The following NPSR1 variants were observed in gnomAD, a reference collection of about 807,000 sequenced individuals.
NPSR1 encodes neuropeptide S receptor 1.
In NPSR1, 48 loss-of-function variants were observed where a neutral mutation model predicts 46.9. The observed-to-expected ratio is 1.02, with a 90% CI of 0.81 to 1.30. NPSR1 has a LOEUF of 1.30. Ranked by LOEUF, NPSR1 falls within the 50% of genes most tolerant of loss-of-function variation. NPSR1 has a pLI of 0.00. For synonymous variants in NPSR1, 176 were observed against 168.1 expected (o/e 1.05, Z -0.36); for missense variants, 450 against 449.5 (o/e 1.00, Z -0.01).
chr7:34,813,175 G>A (rs1789077490), intron 4 of NPSR1, among the ~76,000 whole-genome samples: 1 of 152,140 alleles, frequency 6.6e-6, no homozygotes, highest in Non-Finnish European at 1.5e-5. Flanking sequence ...GCTAACCTTG[G>A]TGTGTCTCAG....
At chr7:34,831,248 T>C (rs146057409) in intron 5 of NPSR1, among the ~76,000 whole-genome samples, 1 of 152,152 alleles carries the variant, frequency 6.6e-6, no homozygotes, top group Non-Finnish European at 1.5e-5. Flanking sequence ...AACAGATGTG[T>C]CATGTCACTC....
intron 1 of NPSR1, among the ~76,000 whole-genome samples, chr7:34,663,505 T>C (rs1445608440): frequency 6.6e-6 from 1 of 152,166 alleles, no homozygotes; most frequent in African/African-American, 2.4e-5. Flanking sequence ...TGTACTTCCC[T>C]GGTCCCTACA....
intron 2 of NPSR1, chr7:34,751,229 C>T (rs906412770): frequency 5.3e-5 from 58 of 1,095,958 alleles, no homozygotes; most frequent in South Asian, 4.0e-4. Context: ...CCAGTGGCAA[C>T]GATGAGATTA....
chr7:34,782,387 T>A (rs1318980224), intron 3 of NPSR1, among the ~76,000 whole-genome samples: 4 of 152,064 alleles, frequency 2.6e-5, no homozygotes, highest in African/African-American at 9.7e-5. Context: ...GGGGGAAAGA[T>A]CAGAAGAACC....
At chr7:34,748,451 G>A (rs922039882) in intron 2 of NPSR1, among the ~76,000 whole-genome samples, 6 of 152,124 alleles carry the variant, frequency 3.9e-5, no homozygotes, top group African/African-American at 9.7e-5. Context: ...GCCTCAGGAC[G>A]GGGCCAGAGC....
chr7:34,781,099 G>C (rs1339738256), intron 3 of NPSR1, among the ~76,000 whole-genome samples: 1 of 152,072 alleles, frequency 6.6e-6, no homozygotes, highest in Non-Finnish European at 1.5e-5. Flanking sequence ...AAATAGAGAA[G>C]GCACTGAGCT....
chr7:34,673,307 C>T (rs35383363), intron 1 of NPSR1, among the ~76,000 whole-genome samples: 34,731 of 152,068 alleles, frequency 0.23, 4,216 homozygotes, highest in South Asian at 0.33. Context: ...AACTTTGATA[C>T]TAGATTCTCA....
Position 34,745,303 on chromosome 7 carries a change from T to C in NPSR1, c.281-33159T>C, listed in dbSNP as rs1306489526. 3.9e-5 allele frequency among the ~76,000 whole-genome samples: 6 copies of C among 152,202 alleles called. No homozygotes were observed. In the East Asian group the frequency reaches 9.6e-4, roughly 24 times the overall value. On this transcript the variant is annotated intron_variant, in intron 2 of 8. Transcript: ENST00000360581. Reference sequence around the variant, plus strand: ...TCTCTTTGTCTCTTTCTATTGCTTTTTGAGTAATTTATTTGGTCCAATCAT... The same window carrying C: ...TCTCTTTGTCTCTTTCTATTGCTTTCTGAGTAATTTATTTGGTCCAATCAT...
Position 34,758,663 on chromosome 7 carries a change from A to G in NPSR1, c.281-19799A>G, listed in dbSNP as rs111454636. Among the ~76,000 whole-genome samples the G allele has an allele frequency of 7.3e-4, 111 of 152,304 alleles. 1 individual carries two copies. Among genetic ancestry groups the G allele is most frequent in the African/African-American group, 2.6e-3 (107 of 41,572 alleles). On this transcript the variant is annotated intron_variant, in intron 2 of 8. Coordinates refer to ENST00000360581, the MANE Select transcript of NPSR1 (RefSeq NM_207172.2). ...GTACAAATACCCCCATGTACCCTGT[A>G]CACATATTCCTGAAATGTTAATATT...
chr7:34,682,095 C>G (rs540448704), intron 1 of NPSR1, among the ~76,000 whole-genome samples: 1 of 152,326 alleles, frequency 6.6e-6, no homozygotes, highest in South Asian at 2.1e-4. Context: ...TGTGCAGCTG[C>G]TCATAGCCAA....
intron 3 of NPSR1, among the ~76,000 whole-genome samples, chr7:34,802,755 A>C (rs1788484244): frequency 6.6e-6 from 1 of 150,514 alleles, no homozygotes; most frequent in South Asian, 2.1e-4. Context: ...ACAGCAAAGG[A>C]AACTACCATC....
intron 2 of NPSR1, among the ~76,000 whole-genome samples, chr7:34,688,042 C>T (rs10255950): frequency 0.014 from 2,165 of 152,252 alleles, 47 homozygotes; most frequent in African/African-American, 0.05. Flanking sequence ...CTTTGATAAA[C>T]ATTCCAGGGT....
In NPSR1 at chr7:34,834,381, C is replaced by A; in HGVS notation, c.681-3C>A. The A allele has an allele frequency of 6.2e-7, 1 of 1,612,330 alleles. No homozygotes were observed. Among genetic ancestry groups the A allele is most frequent in the Middle Eastern group, 1.7e-4 (1 of 6,058 alleles). On this transcript the variant is annotated splice_polypyrimidine_tract_variant and splice_region_variant and intron_variant, in intron 5 of 8. Transcript: ENST00000360581. Reference sequence around the variant, plus strand: ...TTAATACTACCTTTGGTTCTTTCTGCAGCATCATGTATGGCATTGTGATCC... The same window carrying A: ...TTAATACTACCTTTGGTTCTTTCTGAAGCATCATGTATGGCATTGTGATCC...
intron 1 of NPSR1, among the ~76,000 whole-genome samples, chr7:34,663,065 C>CTCTCTCTCTCTA (rs1791540951): frequency 1.1e-5 from 1 of 90,586 alleles, no homozygotes; most frequent in African/African-American, 7.7e-5. Flanking sequence ...CTCTCTCTCT[C>CTCTCTCTCTCTA]TCTGTGTGTG....
chr7:34,858,526 G>A (rs1023198659), intron 8 of NPSR1, among the ~76,000 whole-genome samples: 1 of 151,742 alleles, frequency 6.6e-6, no homozygotes, highest in South Asian at 2.1e-4. Context: ...ATAGGTAATT[G>A]TATTAGTCCG....
chr7:34,738,076 G>T (rs1784764203), intron 2 of NPSR1, among the ~76,000 whole-genome samples: 1 of 152,198 alleles, frequency 6.6e-6, no homozygotes, highest in Non-Finnish European at 1.5e-5. Flanking sequence ...AAATAAATGG[G>T]AAATTGGAGC....
At chr7:34,781,297 A>G (rs1206582125) in intron 3 of NPSR1, among the ~76,000 whole-genome samples, 1 of 152,230 alleles carries the variant, frequency 6.6e-6, no homozygotes, top group African/African-American at 2.4e-5. Context: ...CACCAAGATC[A>G]TGGAGTAGGA....
chr7:34,663,357 C>A (rs1791571559), intron 1 of NPSR1, among the ~76,000 whole-genome samples: 1 of 152,012 alleles, frequency 6.6e-6, no homozygotes. Flanking sequence ...TGCCTCCTTC[C>A]TAAGAATAGA....
intron 4 of NPSR1, among the ~76,000 whole-genome samples, chr7:34,814,825 C>A (rs775461714): frequency 6.6e-6 from 1 of 152,200 alleles, no homozygotes; most frequent in South Asian, 2.1e-4. Context: ...GCTGAGGGAC[C>A]TGACTGTTAC....
Sources: allele counts gnomAD v4.1 joint callset (sites outside exome capture counted in the v4.1 genomes callset), GRCh38; gene constraint gnomAD v4.1.1; transcripts MANE v1.5; gene names NCBI Gene and HGNC (gene_info 2026-07-23, HGNC 2026-07-21).